KCNK2: variants seen among roughly 807,000 people sequenced by gnomAD.
KCNK2 encodes potassium channel subfamily K member 2.
KCNK2 carries 21 observed loss-of-function variants against 40.5 expected under a neutral mutation model. The observed-to-expected ratio is 0.52, with a 90% CI of 0.37 to 0.75. The LOEUF is 0.75. Among genes scored for constraint, KCNK2 ranks in the 30% least tolerant of loss-of-function variants. The probability of loss-of-function intolerance (pLI) is 0.00; values close to 1 mark genes in which losing one functional copy is unlikely to be tolerated. For synonymous variants in KCNK2, 191 were observed against 202.2 expected, an observed-to-expected ratio of 0.94 and a Z score of 0.47; for missense variants, 399 against 531.6, an observed-to-expected ratio of 0.75 and a Z score of 2.45.
intron 2 of KCNK2, among the ~76,000 whole-genome samples, chr1:215,113,230 T>C (rs752588685): frequency 6.6e-6 from 1 of 152,212 alleles, no homozygotes; most frequent in African/African-American, 2.4e-5. Context: ...TTTATGAATG[T>C]ATTTTTTTTG....
chr1:215,006,459 C>T (rs1227128758), intron 1 of KCNK2, among the ~76,000 whole-genome samples: 1 of 152,168 alleles, frequency 6.6e-6, no homozygotes, highest in Non-Finnish European at 1.5e-5. Context: ...AGAAAAGGTA[C>T]GATAGTTTAA....
At chr1:215,200,073 A>G (rs193262025) in intron 6 of KCNK2, among the ~76,000 whole-genome samples, 2 of 152,322 alleles carry the variant, frequency 1.3e-5, no homozygotes, top group South Asian at 2.1e-4. Context: ...TAGGCAAGCA[A>G]TGCTTCTCTA....
intron 2 of KCNK2, among the ~76,000 whole-genome samples, chr1:215,097,085 T>A (rs368426936): frequency 6.6e-6 from 1 of 151,796 alleles, no homozygotes; most frequent in African/African-American, 2.4e-5. Context: ...GGAGGGAGTT[T>A]TTACCTAAAA....
intron 3 of KCNK2, among the ~76,000 whole-genome samples, chr1:215,165,012 C>T (rs1024961946): frequency 6.6e-6 from 1 of 152,164 alleles, no homozygotes; most frequent in Non-Finnish European, 1.5e-5. Context: ...TATGCATGTA[C>T]ATTTGCCTAC....
At chr1:215,079,782 C>T (rs1659083521), upstream of KCNK2, among the ~76,000 whole-genome samples, 1 of 152,136 alleles carries the variant, frequency 6.6e-6, no homozygotes, top group Non-Finnish European at 1.5e-5. Flanking sequence ...ATTATTTTCC[C>T]TCTTACTTCA....
At chr1:215,063,459 C>T (rs1658427256) in intron 1 of KCNK2, among the ~76,000 whole-genome samples, 1 of 152,170 alleles carries the variant, frequency 6.6e-6, no homozygotes, top group Non-Finnish European at 1.5e-5. Flanking sequence ...CTGTCCCCAT[C>T]CTCATCTCCA....
chr1:215,088,836 G>C (rs1483302879), intron 2 of KCNK2, among the ~76,000 whole-genome samples: 1 of 152,202 alleles, frequency 6.6e-6, no homozygotes, highest in African/African-American at 2.4e-5. Flanking sequence ...ATCCATTTTA[G>C]CTTTATTAAT....
intron 1 of KCNK2, among the ~76,000 whole-genome samples, chr1:215,014,566 A>G (rs1571847077): frequency 6.6e-6 from 1 of 152,170 alleles, no homozygotes; most frequent in East Asian, 1.9e-4. Context: ...GAAATATGTA[A>G]TAAAGAAAAA....
intron 1 of KCNK2, among the ~76,000 whole-genome samples, chr1:215,032,252 GT>G (rs1370675128): frequency 6.6e-6 from 1 of 151,652 alleles, no homozygotes; most frequent in Non-Finnish European, 1.5e-5. Flanking sequence ...TACAAAAAAT[GT>G]TTTAAAATTA....
chr1:215,198,030 C>T (rs1256111909), intron 6 of KCNK2, among the ~76,000 whole-genome samples: 1 of 151,414 alleles, frequency 6.6e-6, no homozygotes, highest in Non-Finnish European at 1.5e-5. Flanking sequence ...AGCAAACAAA[C>T]AAAAAAAACA....
At chr1:215,075,911 G>C (rs1252488648) in intron 1 of KCNK2, among the ~76,000 whole-genome samples, 4 of 152,184 alleles carry the variant, frequency 2.6e-5, no homozygotes, top group African/African-American at 9.6e-5. Flanking sequence ...AATAACCGGG[G>C]AACTTGTTAT....
At chr1:215,189,709 A>T (rs1664588520) in intron 5 of KCNK2, among the ~76,000 whole-genome samples, 1 of 152,164 alleles carries the variant, frequency 6.6e-6, no homozygotes, top group South Asian at 2.1e-4. Context: ...TCCATTTGTT[A>T]TAAAGAAAAT....
At chr1:215,044,953 G>A (rs569508059) in intron 1 of KCNK2, among the ~76,000 whole-genome samples, 1 of 152,032 alleles carries the variant, frequency 6.6e-6, no homozygotes, top group Non-Finnish European at 1.5e-5. Flanking sequence ...GGTGGATCAC[G>A]AGGTCAGGAG....
chr1:215,085,234 C>A (rs1198264702), intron 1 of KCNK2, among the ~76,000 whole-genome samples: 1 of 152,126 alleles, frequency 6.6e-6, no homozygotes, highest in African/African-American at 2.4e-5. Flanking sequence ...TTACTGAAAT[C>A]TGTAGCAATT....
chr1:215,165,174 T>A (rs551310659), intron 3 of KCNK2, among the ~76,000 whole-genome samples: 1 of 152,316 alleles, frequency 6.6e-6, no homozygotes, highest in African/African-American at 2.4e-5. Context: ...TTGCTTTCCA[T>A]AGCTTGCACC....
chr1:215,040,436 A>T (rs919821737), intron 1 of KCNK2, among the ~76,000 whole-genome samples: 1 of 152,176 alleles, frequency 6.6e-6, no homozygotes, highest in African/African-American at 2.4e-5. Context: ...GACATTATTC[A>T]TTAGGATTAC....
At chr1:215,193,333 T>G (rs1291651571) in intron 5 of KCNK2, among the ~76,000 whole-genome samples, 1 of 152,192 alleles carries the variant, frequency 6.6e-6, no homozygotes, top group African/African-American at 2.4e-5. Context: ...CCTAAAATCC[T>G]TATCTTCTGC....
At chr1:215,226,887 A>G (rs1323453966) in intron 6 of KCNK2, among the ~76,000 whole-genome samples, 2 of 152,218 alleles carry the variant, frequency 1.3e-5, no homozygotes, top group Non-Finnish European at 2.9e-5. Context: ...CAATGACTAA[A>G]AAGTTAGTTT....
chr1:215,098,452 T>C (rs1377653589), intron 2 of KCNK2, among the ~76,000 whole-genome samples: 1 of 151,836 alleles, frequency 6.6e-6, no homozygotes, highest in Admixed American at 6.6e-5. Context: ...AAGCTTCAAC[T>C]CTCATTTATG....
Sources: gnomAD v4.1 joint callset for allele counts (sites outside exome capture counted in the v4.1 genomes callset) on GRCh38, gnomAD v4.1.1 for gene constraint, MANE v1.5 for transcripts, NCBI Gene and HGNC (gene_info 2026-07-23, HGNC 2026-07-21) for gene names.